Variants in EYS observed in about 807,000 individuals in gnomAD.
The protein encoded by EYS is EGF-like photoreceptor maintenance factor, also known as protein eyes shut homolog.
In EYS, 250 loss-of-function variants were observed where a neutral mutation model predicts 282.1. The observed-to-expected ratio is 0.89, with a 90% CI of 0.80 to 0.98. The LOEUF (loss-of-function observed/expected upper bound fraction) is 0.98, where lower values mean the gene tolerates loss of function less well. Among genes scored for constraint, EYS ranks in the 50% least tolerant of loss-of-function variants. EYS has a pLI of 0.00. For missense variants in EYS, 4,016 were observed against 3,709.0 expected, an observed-to-expected ratio of 1.08 and a Z score of -2.15; for synonymous variants, 1,355 against 1,282.9, an observed-to-expected ratio of 1.06 and a Z score of -1.20.
At chr6:65,597,516 C>G (rs1193738937) in intron 2 of EYS, among the ~76,000 whole-genome samples, 1 of 152,094 alleles carries the variant, frequency 6.6e-6, no homozygotes, top group Non-Finnish European at 1.5e-5. Flanking sequence ...CACCCCCAAA[C>G]TGTAAGTTGG....
At chr6:65,015,279 C>T (rs1772004755) in intron 13 of EYS, among the ~76,000 whole-genome samples, 1 of 152,190 alleles carries the variant, frequency 6.6e-6, no homozygotes, top group African/African-American at 2.4e-5. Context: ...AAAAACTCAT[C>T]CCAATTTCAA....
chr6:64,944,784 A>G (rs989680185), intron 15 of EYS, among the ~76,000 whole-genome samples: 8 of 152,100 alleles, frequency 5.3e-5, no homozygotes, highest in Non-Finnish European at 8.8e-5. Context: ...TTCTGAGATC[A>G]GAGAAAAACC....
intron 11 of EYS, among the ~76,000 whole-genome samples, chr6:65,298,975 A>T (rs1768740931): frequency 6.6e-6 from 1 of 152,056 alleles, no homozygotes; most frequent in African/African-American, 2.4e-5. Context: ...AAGTCCTTGT[A>T]CAAATATATC....
intron 29 of EYS, among the ~76,000 whole-genome samples, chr6:64,337,134 A>G (rs1329332306): frequency 6.6e-6 from 1 of 152,086 alleles, no homozygotes; most frequent in African/African-American, 2.4e-5. Context: ...ATCAGGGCAG[A>G]ACTAAATGAA....
chr6:63,915,565 T>C (rs1280513976), intron 35 of EYS, among the ~76,000 whole-genome samples: 1 of 152,230 alleles, frequency 6.6e-6, no homozygotes, highest in Non-Finnish European at 1.5e-5. Flanking sequence ...TGTAAGGCTA[T>C]AGCTGCCATA....
At chr6:64,780,885 G>T (rs1039083063) in intron 22 of EYS, among the ~76,000 whole-genome samples, 1 of 152,066 alleles carries the variant, frequency 6.6e-6, no homozygotes, top group East Asian at 1.9e-4. Context: ...AAATTCACAG[G>T]CAAAGGAATG....
intron 15 of EYS, among the ~76,000 whole-genome samples, chr6:64,931,981 A>C (rs1306854792): frequency 6.6e-6 from 1 of 152,150 alleles, no homozygotes; most frequent in Non-Finnish European, 1.5e-5. Flanking sequence ...AACTAGTCAA[A>C]CATACACTCT....
intron 12 of EYS, among the ~76,000 whole-genome samples, chr6:65,122,243 A>T (rs1480665900): frequency 6.6e-6 from 1 of 152,152 alleles, no homozygotes; most frequent in Non-Finnish European, 1.5e-5. Flanking sequence ...CAGGTTTTTC[A>T]AATGTAGTCC....
chr6:64,005,053 A>T (rs1439436001), intron 33 of EYS, among the ~76,000 whole-genome samples: 1 of 152,194 alleles, frequency 6.6e-6, no homozygotes, highest in African/African-American at 2.4e-5. Context: ...TCTTTCCACA[A>T]TGGCTGAACT....
intron 29 of EYS, among the ~76,000 whole-genome samples, chr6:64,360,695 A>AT (rs1771975297): frequency 6.6e-6 from 1 of 151,790 alleles, no homozygotes; most frequent in African/African-American, 2.4e-5. Context: ...CAAAATATAT[A>AT]TGCAGCATAG....
At chr6:65,669,539 G>A (rs1002825464) in intron 1 of EYS, among the ~76,000 whole-genome samples, 12 of 151,928 alleles carry the variant, frequency 7.9e-5, no homozygotes, top group Admixed American at 7.9e-4. Flanking sequence ...GTCAATAGCT[G>A]TCCCTCACTG....
Position 65,694,916 on chromosome 6 carries a change from A to T in EYS, c.-448+12219T>A, listed in dbSNP as rs866447464. On this transcript the variant is annotated intron_variant, in intron 1 of 42. Transcript: ENST00000503581. ...AAGAAAAATTATTAATAAAATATAAAATTTGATATAATGACTAAGAGAGAA... is the reference window on the plus strand; with the variant it reads ...AAGAAAAATTATTAATAAAATATAATATTTGATATAATGACTAAGAGAGAA... Among the ~76,000 whole-genome samples, 5 of 152,038 alleles carry T rather than the reference A, an allele frequency of 3.3e-5. 1 individual carries two copies. Among genetic ancestry groups the T allele is most frequent in the Middle Eastern group, 6.3e-3 (2 of 316 alleles).
At chr6:64,776,629 T>C (rs1316743453) in intron 22 of EYS, among the ~76,000 whole-genome samples, 1 of 152,046 alleles carries the variant, frequency 6.6e-6, no homozygotes, top group Non-Finnish European at 1.5e-5. Context: ...ATATTTAAAG[T>C]GGGACTCTTC....
At chr6:65,200,943 T>C (rs928949864) in intron 12 of EYS, among the ~76,000 whole-genome samples, 1 of 152,094 alleles carries the variant, frequency 6.6e-6, no homozygotes, top group Non-Finnish European at 1.5e-5. Context: ...CTAAAGACTG[T>C]TTTTCATGTT....
intron 2 of EYS, among the ~76,000 whole-genome samples, chr6:65,586,046 C>G (rs759309968): frequency 2.6e-5 from 4 of 151,926 alleles, no homozygotes; most frequent in Non-Finnish European, 5.9e-5. Context: ...TGGCCACTCA[C>G]TTATTTGGTG....
rs144048682 is a variant in EYS at position 64,377,904 on chromosome 6, G to C, written c.6078+10786C>G. 2.3e-4 allele frequency: 35 copies of C among 152,190 alleles called. No individual in the cohort carries two copies. In the East Asian group the frequency reaches 5.8e-3, roughly 25 times the overall value. The allele number at this position is 152,190 out of a possible 1,614,324, so 9.4% of individuals were successfully genotyped here. On this transcript the variant is annotated intron_variant, in intron 29 of 42. Transcript: ENST00000503581. ...TGAACAAATTACTTGTTATTGCTGT[G>C]CTTCAATTTCCTCAGCTGTAAAATA...
intron 12 of EYS, among the ~76,000 whole-genome samples, chr6:65,265,974 T>C (rs937134402): frequency 2.0e-5 from 3 of 151,926 alleles, no homozygotes; most frequent in Admixed American, 6.6e-5. Context: ...TAAAATTTTT[T>C]CATCTATTTC....
chr6:64,638,204 C>T (rs1474874674), intron 22 of EYS, among the ~76,000 whole-genome samples: 2 of 91,170 alleles, frequency 2.2e-5, no homozygotes, highest in Non-Finnish European at 4.7e-5. Flanking sequence ...CTACTTTGAA[C>T]TTTGGATATA....
At chr6:65,575,911 CA>C (rs759678532) in intron 2 of EYS, among the ~76,000 whole-genome samples, 1 of 151,856 alleles carries the variant, frequency 6.6e-6, no homozygotes, top group Non-Finnish European at 1.5e-5. Flanking sequence ...AAAGTTTGAT[CA>C]AAACAACAAC....
Sources: allele counts gnomAD v4.1 joint callset (sites outside exome capture counted in the v4.1 genomes callset), GRCh38; gene constraint gnomAD v4.1.1; transcripts MANE v1.5; gene names NCBI Gene and HGNC (gene_info 2026-07-23, HGNC 2026-07-21).